KCNH1: variants seen among roughly 807,000 people sequenced by gnomAD.
KCNH1 encodes the protein potassium voltage-gated channel subfamily H member 1, also known as voltage-gated delayed rectifier potassium channel KCNH1.
A neutral mutation model predicts 69.2 loss-of-function variants in KCNH1; 27 were observed. That is an observed-to-expected ratio of 0.39 (90% CI 0.29 to 0.54). The LOEUF (loss-of-function observed/expected upper bound fraction) is 0.54. Among genes scored for constraint, KCNH1 ranks in the 20% least tolerant of loss-of-function variants. The pLI, the probability that KCNH1 is intolerant of heterozygous loss-of-function variation, is 0.68. For synonymous variants in KCNH1, 456 were observed against 487.7 expected, an observed-to-expected ratio of 0.93 and a Z score of 0.86; for missense variants, 798 against 1,261.6, an observed-to-expected ratio of 0.63 and a Z score of 5.57.
rs112636892 is a variant in KCNH1 at position 210,851,480 on chromosome 1, C to T, written c.1463-47314G>A. Among the ~76,000 whole-genome samples the T allele has an allele frequency of 8.7e-4, 132 of 152,330 alleles. 1 individual carries two copies. The highest frequency in any genetic ancestry group is 3.1e-3 in the African/African-American group (130 of 41,582). ...CCTCTGCCATTCACTAGGTGGGTAA[C>T]TTTGAGAGTCACATTACCTCTCTGA... is the stretch of plus-strand genomic sequence containing the variant. On this transcript the variant is annotated intron_variant, in intron 7 of 10. Transcript: ENST00000271751.
Position 211,119,452 on chromosome 1 carries a change from G to T in KCNH1, c.80-12075C>A, listed in dbSNP as rs182506211. On this transcript the variant is annotated intron_variant, in intron 1 of 10. Transcript: ENST00000271751. ...TTGAAAGATAATGATTGAGATAAATGATGAGAATAAGTGCTGTGTATTTTC... is the reference window on the plus strand; with the variant it reads ...TTGAAAGATAATGATTGAGATAAATTATGAGAATAAGTGCTGTGTATTTTC... Among the ~76,000 whole-genome samples the T allele has an allele frequency of 2.6e-5, 4 of 152,232 alleles. No individual in the cohort carries two copies. The East Asian group carries it at 7.7e-4, about 29-fold the overall frequency.
chr1:210,951,012 GC>G (rs1308474944), intron 6 of KCNH1, among the ~76,000 whole-genome samples: 1 of 152,316 alleles, frequency 6.6e-6, no homozygotes, highest in East Asian at 1.9e-4. Flanking sequence ...TGTGTAAAGT[GC>G]TATAAAGGAC....
rs116631998 is a variant in KCNH1, at chr1:211,048,159, C to T, written c.559-28903G>A. ...ACTACCTTACTCCTGCAAGAATGCC[C>T]GTAATTTAAAAATTAAAAAATAATA... On this transcript the variant is annotated intron_variant, in intron 5 of 10. Coordinates refer to ENST00000271751, the MANE Select transcript of KCNH1 (RefSeq NM_172362.3). Among the ~76,000 whole-genome samples, 1,248 of 152,050 alleles carry T rather than the reference C, an allele frequency of 8.2e-3. 23 individuals carry two copies. The highest frequency in any genetic ancestry group is 0.029 in the African/African-American group (1,200 of 41,474).
At chr1:210,768,246 AT>A (rs1683679414) in intron 10 of KCNH1, among the ~76,000 whole-genome samples, 1 of 152,202 alleles carries the variant, frequency 6.6e-6, no homozygotes, top group African/African-American at 2.4e-5. Flanking sequence ...CCATATAAAC[AT>A]TGAAAATTTG....
Position 211,009,216 on chromosome 1 carries a change from A to G in KCNH1, c.1032+9567T>C, listed in dbSNP as rs555705311. Among the ~76,000 whole-genome samples, 378 of 152,334 alleles carry G rather than the reference A, an allele frequency of 2.5e-3. 1 individual carries two copies. Among genetic ancestry groups the G allele is most frequent in the Non-Finnish European group, 4.2e-3 (285 of 68,036 alleles). ...ATGAGATGAGAACTGAGATCTGACCATTAGATTTGGCTACATGGACATCAC... is the reference window on the plus strand; with the variant it reads ...ATGAGATGAGAACTGAGATCTGACCGTTAGATTTGGCTACATGGACATCAC... On this transcript the variant is annotated intron_variant, in intron 6 of 10. Coordinates refer to ENST00000271751, the MANE Select transcript of KCNH1 (RefSeq NM_172362.3).
chr1:210,932,535 A>G (rs1017010196), intron 6 of KCNH1, among the ~76,000 whole-genome samples: 8 of 108,876 alleles, frequency 7.3e-5, no homozygotes, highest in Non-Finnish European at 1.4e-4. Flanking sequence ...ATGTAAATGT[A>G]TTATATTCCC....
At chr1:211,066,261 G>A (rs1043882111) in intron 5 of KCNH1, among the ~76,000 whole-genome samples, 6 of 152,084 alleles carry the variant, frequency 3.9e-5, no homozygotes, top group Admixed American at 2.0e-4. Flanking sequence ...AGAGCCAAAC[G>A]TCAAAATCTA....
intron 10 of KCNH1, among the ~76,000 whole-genome samples, chr1:210,768,853 G>C (rs192911204): frequency 8.6e-5 from 13 of 151,942 alleles, no homozygotes; most frequent in Admixed American, 7.2e-4. Context: ...ATGTTCTCGG[G>C]GTACTGGGGA....
At chr1:211,073,499 T>G (rs1392430348) in intron 5 of KCNH1, among the ~76,000 whole-genome samples, 1 of 152,068 alleles carries the variant, frequency 6.6e-6, no homozygotes, top group African/African-American at 2.4e-5. Context: ...AACAAACAAA[T>G]AGAAATCATA....
In KCNH1 at chr1:210,740,704, A is replaced by ATTTTTTTTTTTTTTTTTTTTT. The variant is rs199727493; in HGVS notation, c.2112+34623_2112+34643dup. 2.3e-4 allele frequency among the ~76,000 whole-genome samples: 27 copies of ATTTTTTTTTTTTTTTTTTTTT among 117,248 alleles called. 1 individual carries two copies. The highest frequency in any genetic ancestry group is 9.1e-4 in the African/African-American group (27 of 29,584). 76.9% of individuals were successfully genotyped at this position (117,248 alleles called of 152,430 possible). On this transcript the variant is annotated intron_variant, in intron 10 of 10. Transcript: ENST00000271751. ...GTCTCTGATTAAATTTTATGATTAA[A>ATTTTTTTTTTTTTTTTTTTTT]TTTTTTTTTTTTTTTTTTTTTTTTT...
At chr1:211,046,882 A>G (rs545053155) in intron 5 of KCNH1, among the ~76,000 whole-genome samples, 1 of 152,334 alleles carries the variant, frequency 6.6e-6, no homozygotes, top group South Asian at 2.1e-4. Context: ...ATCTAATTCA[A>G]AAACCCATAG....
intron 6 of KCNH1, among the ~76,000 whole-genome samples, chr1:210,978,580 C>T (rs1163771915): frequency 6.6e-6 from 1 of 152,068 alleles, no homozygotes; most frequent in Non-Finnish European, 1.5e-5. Context: ...TGATTTTTCC[C>T]CACTTGAAGG....
chr1:210,717,396 A>G (rs1157478891), intron 10 of KCNH1, among the ~76,000 whole-genome samples: 1 of 151,974 alleles, frequency 6.6e-6, no homozygotes, highest in Non-Finnish European at 1.5e-5. Flanking sequence ...CTGCTCCCCA[A>G]CTCTCAGGGA....
chr1:211,022,083 G>C (rs1251088010), intron 5 of KCNH1, among the ~76,000 whole-genome samples: 1 of 152,008 alleles, frequency 6.6e-6, no homozygotes, highest in Non-Finnish European at 1.5e-5. Flanking sequence ...TTATACTACA[G>C]AGTTATAGTA....
intron 7 of KCNH1, among the ~76,000 whole-genome samples, chr1:210,818,023 A>G (rs1684854235): frequency 6.6e-6 from 1 of 152,122 alleles, no homozygotes; most frequent in Admixed American, 6.6e-5. Flanking sequence ...TTAGAAGGCA[A>G]ATTCGTCCTG....
At chr1:211,100,366 G>A (rs1421245006) in intron 3 of KCNH1, among the ~76,000 whole-genome samples, 1 of 151,718 alleles carries the variant, frequency 6.6e-6, no homozygotes, top group Non-Finnish European at 1.5e-5. Flanking sequence ...ACACATTTTG[G>A]GAGACAGAGT....
chr1:210,830,844 A>G (rs1685144540), intron 7 of KCNH1, among the ~76,000 whole-genome samples: 3 of 152,156 alleles, frequency 2.0e-5, no homozygotes, highest in Non-Finnish European at 2.9e-5. Flanking sequence ...GAGGTTTGAG[A>G]GTGCCATTTA....
intron 9 of KCNH1, among the ~76,000 whole-genome samples, chr1:210,780,335 C>T (rs971145589): frequency 6.6e-5 from 10 of 152,172 alleles, no homozygotes; most frequent in Non-Finnish European, 1.5e-4. Flanking sequence ...TAAGGACTAT[C>T]TCACAGTGTT....
intron 7 of KCNH1, among the ~76,000 whole-genome samples, chr1:210,874,761 G>T (rs995942368): frequency 6.6e-6 from 1 of 151,978 alleles, no homozygotes; most frequent in Non-Finnish European, 1.5e-5. Context: ...TAATGCCAAA[G>T]ATCATAGTGT....
Sources: gnomAD v4.1 joint callset for allele counts (sites outside exome capture counted in the v4.1 genomes callset) on GRCh38, gnomAD v4.1.1 for gene constraint, MANE v1.5 for transcripts, NCBI Gene and HGNC (gene_info 2026-07-23, HGNC 2026-07-21) for gene names.